Variants in NUP210 observed in about 807,000 individuals in gnomAD.
NUP210 encodes nucleoporin 210.
A neutral mutation model predicts 196.0 loss-of-function variants in NUP210; 151 were observed. That is an observed-to-expected ratio of 0.77 (90% CI 0.67 to 0.88). The LOEUF is 0.88. NUP210 is among the 40% of genes least tolerant of loss of function. The probability of loss-of-function intolerance (pLI) is 0.00; values close to 1 mark genes in which losing one functional copy is unlikely to be tolerated. For synonymous variants in NUP210, 1,070 were observed against 1,052.7 expected, an observed-to-expected ratio of 1.02 and a Z score of -0.32; for missense variants, 2,314 against 2,493.7, an observed-to-expected ratio of 0.93 and a Z score of 1.53.
In NUP210 at chr3:13,335,544, G is replaced by T; in HGVS notation, c.3753C>A (p.Thr1251=). The T allele has an allele frequency of 6.2e-7, 1 of 1,614,078 alleles. No homozygotes were observed. Among genetic ancestry groups the T allele is most frequent in the Non-Finnish European group, 8.5e-7 (1 of 1,180,036 alleles). Residue 1251 remains threonine, a synonymous_variant, in exon 28 of 40, where the codon ACC becomes ACA. Coordinates refer to ENST00000254508, the MANE Select transcript of NUP210 (RefSeq NM_024923.4). ...CAGCCTTGACCACCACCCTCAGCCC[G>T]GTCCGGCCTTTTACCCGGCCGAGCA... ...MNVLGRVKGR[T]GLRVVVKAVD... is the part of the protein sequence containing the mutation.
At position 13,342,073 on chromosome 3, in the gene NUP210, G is replaced by C. The variant is rs1442302307; in HGVS notation, c.3015C>G (p.His1005Gln). The C allele has an allele frequency of 7.4e-6, 12 of 1,614,094 alleles. No homozygotes were observed. In the East Asian group the frequency reaches 2.2e-4, roughly 30 times the overall value. ...AGTATTTGGCAAGGAAGGGCTTCTTGTGCAAGTCCAGCACGCGGACGTATG... is the reference window on the plus strand; with the variant it reads ...AGTATTTGGCAAGGAAGGGCTTCTTCTGCAAGTCCAGCACGCGGACGTATG... ...VKAYVRVLDL[H>Q]KKPFLAKYFP... The change falls in exon 22 of 40, where the codon CAC (histidine) becomes CAG (glutamine). Residue 1005 changes from histidine to glutamine, a missense_variant. By Grantham distance (24) the His-to-Gln change is conservative. Transcript: ENST00000254508.
intron 21 of NUP210, among the ~76,000 whole-genome samples, chr3:13,342,563 T>C (rs918401898): frequency 6.6e-6 from 1 of 152,238 alleles, no homozygotes; most frequent in Admixed American, 6.5e-5. Context: ...TATGTGAGGC[T>C]GGGTACAGCA....
intron 11 of NUP210, among the ~76,000 whole-genome samples, chr3:13,374,750 C>T (rs540143388): frequency 1.9e-4 from 29 of 152,268 alleles, no homozygotes; most frequent in African/African-American, 6.7e-4. Flanking sequence ...GGGAGGTCAG[C>T]GACTGCACCT....
intron 28 of NUP210, among the ~76,000 whole-genome samples, chr3:13,335,045 C>G (rs1186386859): frequency 6.6e-6 from 1 of 152,236 alleles, no homozygotes; most frequent in Non-Finnish European, 1.5e-5. Flanking sequence ...GGCAGCAATA[C>G]TGAAAAACGT....
At chr3:13,358,097 G>T in intron 16 of NUP210, 125 bp downstream of exon 16, 1 of 823,224 alleles carries the variant, frequency 1.2e-6, no homozygotes, top group Non-Finnish European at 1.9e-6. Flanking sequence ...CAGTTGTTGA[G>T]ACGAAGGAAG....
intron 3 of NUP210, among the ~76,000 whole-genome samples, chr3:13,392,410 T>A (rs542254232): frequency 3.9e-5 from 6 of 152,216 alleles, no homozygotes; most frequent in African/African-American, 1.2e-4. Flanking sequence ...CCATCTATGA[T>A]GTACATATAT....
At chr3:13,320,627 C>T (rs570878216) in intron 36 of NUP210, among the ~76,000 whole-genome samples, 6 of 107,538 alleles carry the variant, frequency 5.6e-5, no homozygotes, top group East Asian at 3.2e-4. Context: ...AGCGAGACTC[C>T]GTCTCAAAAA....
chr3:13,345,333 G>C (rs979944658), intron 20 of NUP210: 79 of 651,372 alleles, frequency 1.2e-4, no homozygotes, highest in Non-Finnish European at 1.5e-4. Flanking sequence ...CAGATGATGG[G>C]ACAGGGATAT....
In NUP210 at chr3:13,319,059, G is replaced by C. The variant is rs759773494; in HGVS notation, c.5563+13C>G. The C allele has an allele frequency of 2.4e-5, 38 of 1,593,514 alleles. No homozygotes were observed. The highest frequency in any genetic ancestry group is 1.1e-4 in the Admixed American group (6 of 54,842). ...CAGCTCTGCCTGGTTGTGCCTGCAG[G>C]GGGGCTACTCACAGTGGGGGCTGTG... On this transcript the variant is annotated intron_variant, in intron 39 of 39. Transcript: ENST00000254508.
intron 21 of NUP210, among the ~76,000 whole-genome samples, chr3:13,342,488 C>A (rs1034721581): frequency 3.3e-5 from 5 of 152,166 alleles, no homozygotes; most frequent in African/African-American, 9.7e-5. Context: ...AAATAAGAAT[C>A]AGAAATACAC....
At chr3:13,355,979 A>G (rs1698160406) in intron 16 of NUP210, among the ~76,000 whole-genome samples, 1 of 152,218 alleles carries the variant, frequency 6.6e-6, no homozygotes, top group African/African-American at 2.4e-5. Context: ...GACTTGTCCA[A>G]GGTCACACAG....
At chr3:13,403,607 A>T (rs1461383569) in intron 1 of NUP210, among the ~76,000 whole-genome samples, 1 of 151,904 alleles carries the variant, frequency 6.6e-6, no homozygotes, top group Admixed American at 6.5e-5. Context: ...CTCCTGGTGG[A>T]GGGCCGTGCA....
chr3:13,389,572 C>T (rs1272067470), intron 4 of NUP210, among the ~76,000 whole-genome samples: 1 of 152,128 alleles, frequency 6.6e-6, no homozygotes, highest in Non-Finnish European at 1.5e-5. Context: ...TTACAAAACA[C>T]CAGAACCCAC....
In NUP210 at chr3:13,373,867, C is replaced by A. The variant is rs1477802749; in HGVS notation, c.1438G>T (p.Gly480Cys). The A allele has an allele frequency of 2.5e-6, 4 of 1,612,846 alleles. No homozygotes were observed. The highest frequency in any genetic ancestry group is 3.4e-6 in the Non-Finnish European group (4 of 1,179,532). The change falls in exon 12 of 40, where the codon GGT (glycine) becomes TGT (cysteine). Residue 480 changes from glycine (G) to cysteine (C), a missense_variant. Physicochemically the swap from Gly to Cys is radical, Grantham distance 159. Transcript: ENST00000254508. ...GACCAGCTGAAGTTCCCACTGCCAC[C>A]GTGGGCCTGCGGAGGAAAAGCCATC... ...GAYQYTIRAHGGSGNFSWSSS... is the reference protein window; with the variant it reads ...GAYQYTIRAHCGSGNFSWSSS...
At chr3:13,331,165 C>G (rs955361748) in intron 29 of NUP210, among the ~76,000 whole-genome samples, 2 of 152,102 alleles carry the variant, frequency 1.3e-5, no homozygotes, top group Non-Finnish European at 2.9e-5. Flanking sequence ...CCTGTCTTGT[C>G]CTATTTCTAA....
intron 20 of NUP210, 44 bp from the exon 21 acceptor site, chr3:13,343,347 G>A (rs2623508): frequency 1.1e-5 from 17 of 1,593,842 alleles, no homozygotes; most frequent in Admixed American, 8.7e-5. Context: ...GGTGGGTTAC[G>A]CAGCTGCAGG....
At position 13,410,243 on chromosome 3, in the gene NUP210, C is replaced by A. The variant is rs1056378284; in HGVS notation, c.167+9817G>T. 2.0e-5 allele frequency among the ~76,000 whole-genome samples: 3 copies of A among 151,462 alleles called. No individual in the cohort carries two copies. In the East Asian group the frequency reaches 5.9e-4, roughly 30 times the overall value. ...TTGCCCAGGCTGGAGTGCAATGAGACAATCTCGGCTCACCGCAGCCTCCAC... is the reference window on the plus strand; with the variant it reads ...TTGCCCAGGCTGGAGTGCAATGAGAAAATCTCGGCTCACCGCAGCCTCCAC... On this transcript the variant is annotated intron_variant, in intron 1 of 39. Coordinates refer to ENST00000254508, the MANE Select transcript of NUP210 (RefSeq NM_024923.4).
intron 21 of NUP210, 122 bp downstream of exon 21, chr3:13,343,053 G>A (rs1473891092): frequency 1.0e-5 from 12 of 1,193,520 alleles, no homozygotes; most frequent in African/African-American, 9.0e-5. Flanking sequence ...AAGCTCACAG[G>A]GGAAGGGATG....
chr3:13,400,395 G>C (rs1699795436), intron 1 of NUP210, among the ~76,000 whole-genome samples: 1 of 152,316 alleles, frequency 6.6e-6, no homozygotes, highest in East Asian at 1.9e-4. Flanking sequence ...TGCCTGCGGA[G>C]CGGATATTAT....
Sources: allele counts gnomAD v4.1 joint callset (sites outside exome capture counted in the v4.1 genomes callset), GRCh38; gene constraint gnomAD v4.1.1; transcripts MANE v1.5; gene names NCBI Gene and HGNC (gene_info 2026-07-23, HGNC 2026-07-21).